Variants in DNAH14 observed in about 807,000 individuals in gnomAD.
DNAH14 encodes the protein dynein axonemal heavy chain 14, also known as axonemal beta dynein heavy chain 14.
Under a neutral mutation model 520.9 loss-of-function variants are expected in DNAH14, and 478 were observed. The observed-to-expected ratio is 0.92, with a 90% CI of 0.85 to 0.99. The LOEUF (loss-of-function observed/expected upper bound fraction) is 0.99. Ranked by LOEUF, DNAH14 falls within the 50% of genes least tolerant of loss-of-function variation. The probability of loss-of-function intolerance (pLI) is 0.00; values close to 1 mark genes in which losing one functional copy is unlikely to be tolerated. For synonymous variants in DNAH14, 1,581 were observed against 1,757.2 expected (o/e 0.90, Z 2.51); for missense variants, 4,831 against 5,234.5 (o/e 0.92, Z 2.38).
At chr1:225,164,692 G>A (rs1394424430) in intron 35 of DNAH14, among the ~76,000 whole-genome samples, 1 of 152,028 alleles carries the variant, frequency 6.6e-6, no homozygotes, top group Non-Finnish European at 1.5e-5. Flanking sequence ...GCTGAAGACT[G>A]ACATTCATCA....
intron 1 of DNAH14, among the ~76,000 whole-genome samples, chr1:224,930,664 C>G (rs1346238012): frequency 6.6e-6 from 1 of 152,158 alleles, no homozygotes; most frequent in Non-Finnish European, 1.5e-5. Flanking sequence ...GTGGCGCGAC[C>G]TGGGCTCACT....
chr1:225,024,668 A>C (rs2065957563), intron 11 of DNAH14: 3 of 152,176 alleles, frequency 2.0e-5, no homozygotes, highest in African/African-American at 7.2e-5. Context: ...CAGAGCTAAC[A>C]TCACTTACCT....
chr1:225,151,554 T>C (rs572616643), intron 31 of DNAH14, among the ~76,000 whole-genome samples: 2 of 152,322 alleles, frequency 1.3e-5, no homozygotes, highest in East Asian at 1.9e-4. Context: ...ATGCCAAGCA[T>C]TCTATCTCAT....
At chr1:225,039,774 A>T (rs1217153468) in intron 12 of DNAH14, among the ~76,000 whole-genome samples, 2 of 135,410 alleles carry the variant, frequency 1.5e-5, no homozygotes, top group East Asian at 5.2e-4. Context: ...GCTACTTGGG[A>T]GGCTGAGGCA....
At chr1:224,970,716 C>G (rs908913927) in intron 7 of DNAH14, among the ~76,000 whole-genome samples, 13 of 152,018 alleles carry the variant, frequency 8.6e-5, no homozygotes, top group Non-Finnish European at 1.2e-4. Context: ...CTGAATTTCC[C>G]CTGATAGGTT....
chr1:225,295,966 C>T (rs1336974575), intron 55 of DNAH14, among the ~76,000 whole-genome samples: 3 of 152,158 alleles, frequency 2.0e-5, no homozygotes, highest in Middle Eastern at 3.4e-3. Context: ...TATTCTCTTG[C>T]AGAATTGATT....
At chr1:225,009,857 A>G (rs780274929) in intron 10 of DNAH14, among the ~76,000 whole-genome samples, 35 of 152,056 alleles carry the variant, frequency 2.3e-4, no homozygotes, top group Non-Finnish European at 3.2e-4. Flanking sequence ...CTTTGTAGCA[A>G]TTTTGAATGG....
intron 73 of DNAH14, chr1:225,354,198 G>C (rs550562533): frequency 1.4e-6 from 1 of 701,760 alleles, no homozygotes; most frequent in Non-Finnish European, 2.6e-6. Context: ...CTGCTTCTCC[G>C]TGCCATAAAC....
intron 11 of DNAH14, among the ~76,000 whole-genome samples, chr1:225,036,298 G>A (rs1473356971): frequency 6.6e-6 from 1 of 151,964 alleles, no homozygotes; most frequent in Non-Finnish European, 1.5e-5. Flanking sequence ...ACCACACCAG[G>A]CTAATTTTTT....
chr1:225,043,259 G>T (rs2148228764), intron 13 of DNAH14, 145 bp downstream of exon 13: 13 of 173,814 alleles, frequency 7.5e-5, no homozygotes, highest in East Asian at 2.6e-4. Flanking sequence ...GTGAGACCTT[G>T]TCTCTTGTCT....
At chr1:225,365,860 T>C (rs1260560470) in intron 76 of DNAH14, among the ~76,000 whole-genome samples, 1 of 152,184 alleles carries the variant, frequency 6.6e-6, no homozygotes, top group East Asian at 1.9e-4. Flanking sequence ...TCATCTTAAG[T>C]AGTCCATCGC....
At chr1:225,198,823 G>C (rs1162353178) in intron 38 of DNAH14, among the ~76,000 whole-genome samples, 3 of 152,036 alleles carry the variant, frequency 2.0e-5, no homozygotes, top group Admixed American at 2.0e-4. Context: ...GTCCTTTCCT[G>C]GTTTTGGTAT....
intron 23 of DNAH14, among the ~76,000 whole-genome samples, chr1:225,114,353 A>G (rs895918477): frequency 1.3e-5 from 2 of 152,154 alleles, no homozygotes; most frequent in South Asian, 4.1e-4. Context: ...CTGAGCCAGT[A>G]TCCAAGTTGG....
At chr1:225,083,652 A>G (rs2073397556) in intron 20 of DNAH14, among the ~76,000 whole-genome samples, 1 of 152,100 alleles carries the variant, frequency 6.6e-6, no homozygotes, top group African/African-American at 2.4e-5. Context: ...AATTGTTTAC[A>G]CTAAAAATCA....
chr1:225,364,844 T>G lies in DNAH14; in HGVS notation c.12040T>G (p.Ser4014Ala), dbSNP rs1369913836. ...CCCTGAGTTTCGGCTATGGTTAAGC[T>G]CAAAATCATACAGTTCTTTTCCAAT... ...IDPEFRLWLS[S>A]KSYSSFPIPV... is the part of the protein sequence containing the mutation. Residue 4014 changes from serine to alanine, a missense_variant, in exon 76 of 86, where the codon TCA becomes GCA. By Grantham distance (99) the Ser-to-Ala change is moderately conservative. Transcript: ENST00000682510. 1 of 1,549,118 alleles carries G rather than the reference T, an allele frequency of 6.5e-7. No homozygotes were observed. The highest frequency in any genetic ancestry group is 1.2e-5 in the South Asian group (1 of 83,850).
intron 63 of DNAH14, 48 bp from the exon 64 acceptor site, chr1:225,324,689 G>A (rs1246261239): frequency 6.8e-7 from 1 of 1,469,952 alleles, no homozygotes. Flanking sequence ...ATTTTTAACA[G>A]TAAACCCGAC....
At chr1:225,275,545 A>C (rs1017535894) in intron 52 of DNAH14, among the ~76,000 whole-genome samples, 1 of 152,202 alleles carries the variant, frequency 6.6e-6, no homozygotes, top group Admixed American at 6.5e-5. Flanking sequence ...TGGTAAACTA[A>C]GGGAAGATTC....
chr1:225,044,053 G>A, intron 15 of DNAH14, 70 bp downstream of exon 15: 1 of 894,004 alleles, frequency 1.1e-6, no homozygotes. Context: ...TTAAGCATCT[G>A]ATGCCTTTAC....
chr1:225,237,799 G>T (rs987667525), intron 42 of DNAH14, among the ~76,000 whole-genome samples: 1 of 151,990 alleles, frequency 6.6e-6, no homozygotes, highest in African/African-American at 2.4e-5. Flanking sequence ...AGTGGTTTTT[G>T]TTCATTTCAT....
Sources: gnomAD v4.1 joint callset for allele counts (sites outside exome capture counted in the v4.1 genomes callset) on GRCh38, gnomAD v4.1.1 for gene constraint, MANE v1.5 for transcripts, NCBI Gene and HGNC (gene_info 2026-07-23, HGNC 2026-07-21) for gene names.